Variants in DUOX2 observed in about 807,000 individuals in gnomAD.
DUOX2 encodes the protein NADH/NADPH thyroid oxidase p138-tox.
DUOX2 carries 185 observed loss-of-function variants against 183.3 expected under a neutral mutation model. That is an observed-to-expected ratio of 1.01 (90% confidence interval 0.90 to 1.14). The LOEUF (loss-of-function observed/expected upper bound fraction) is 1.14, where lower values mean the gene tolerates loss of function less well. DUOX2 is among the 50% of genes most tolerant of loss of function. DUOX2 has a pLI of 0.00. For synonymous variants in DUOX2, 788 were observed against 812.4 expected (o/e 0.97, Z 0.51); for missense variants, 1,999 against 2,022.9 (o/e 0.99, Z 0.23).
chr15:45,095,809 G>A lies in DUOX2; in HGVS notation c.4080+19C>T, dbSNP rs973189070. On this transcript the variant is annotated intron_variant, in intron 30 of 33. Coordinates refer to ENST00000389039, the MANE Select transcript of DUOX2 (RefSeq NM_001363711.2). ...GCCAGTGCCAGAGGCCCGGAAGCAG[G>A]GTTCCCAGTGACGGGCACCTTTGGG... is the stretch of plus-strand genomic sequence containing the variant. The A allele has an allele frequency of 1.9e-5, 30 of 1,608,474 alleles. No homozygotes were observed. Among genetic ancestry groups the A allele is most frequent in the Non-Finnish European group, 2.5e-5 (29 of 1,175,480 alleles).
Position 45,098,098 on chromosome 15 carries a change from G to A in DUOX2, c.3516-40C>T, listed in dbSNP as rs1260331471. The A allele has an allele frequency of 5.0e-6, 8 of 1,589,816 alleles. No homozygotes were observed. The East Asian group carries it at 1.1e-4, about 22-fold the overall frequency. On this transcript the variant is annotated intron_variant, in intron 26 of 33. Coordinates refer to ENST00000389039, the MANE Select transcript of DUOX2 (RefSeq NM_001363711.2). ...CACCTTGAGCCTCTGACTGGGGCAG[G>A]AGGGGCTCCAGCACTGTCACAACAC...
chr15:45,112,507 G>A (rs746020305), intron 4 of DUOX2, 47 bp downstream of exon 4: 11 of 1,603,230 alleles, frequency 6.9e-6, no homozygotes, highest in African/African-American at 6.7e-5. Context: ...CCCCCAGGCT[G>A]AGCAGAGCGC....
In DUOX2 at chr15:45,101,980, G is replaced by A. The variant is rs140944752; in HGVS notation, c.2664C>T (p.Ile888=). The change falls in exon 21 of 34, where the codon ATC becomes ATT. Residue 888 remains isoleucine (I), a synonymous_variant. Coordinates refer to ENST00000389039, the MANE Select transcript of DUOX2 (RefSeq NM_001363711.2). ...TGGACAGGCAGTTGTTGGAGATCTC[G>A]ATGAAGGATCTGGAGGAGGACCAGA... ...DEFFTMMRSF[I]EISNNCLSKA... The A allele has an allele frequency of 1.1e-5, 18 of 1,614,204 alleles. 1 individual carries two copies. In the South Asian group the frequency reaches 1.3e-4, roughly 12 times the overall value.
intron 20 of DUOX2, among the ~76,000 whole-genome samples, chr15:45,102,606 A>G (rs1002995361): frequency 6.6e-6 from 1 of 152,218 alleles, no homozygotes; most frequent in Non-Finnish European, 1.5e-5. Context: ...CTGGGCCCAT[A>G]AAACACAGCA....
chr15:45,113,937 C>T (rs1264926188), intron 1 of DUOX2, 36 bp downstream of exon 1: 2 of 194,440 alleles, frequency 1.0e-5, no homozygotes, highest in South Asian at 2.1e-4. Flanking sequence ...GCATGATGGG[C>T]GAGGGCTAGG....
intron 9 of DUOX2, 115 bp from the exon 10 acceptor site, chr15:45,110,095 C>T: frequency 1.1e-6 from 1 of 930,726 alleles, no homozygotes; most frequent in Non-Finnish European, 1.8e-6. Context: ...GGCCCAGGAA[C>T]TTCCTTGAAC....
At chr15:45,095,620 A>ATGAGCC (rs763350301) in intron 30 of DUOX2, 25 bp from the exon 31 acceptor site, 1 of 1,614,168 alleles carries the variant, frequency 6.2e-7, no homozygotes, top group East Asian at 2.2e-5. Context: ...GGGAGATGAA[A>ATGAGCC]TGAGCCTGAC....
At chr15:45,111,326 C>G in intron 6 of DUOX2, 49 bp from the exon 7 acceptor site, 3 of 1,394,892 alleles carry the variant, frequency 2.2e-6, no homozygotes, top group South Asian at 3.0e-5. Flanking sequence ...GTAGCGTGAT[C>G]GGGGGAGCCC....
In DUOX2 at chr15:45,106,870, A is replaced by G. The variant is rs753161566; in HGVS notation, c.1793T>C (p.Phe598Ser). ...LDFFEGSSPG[F>S]AITIIALCCL... The stretch of plus-strand genomic sequence containing the variant: ...GCAGAGAGCAATGATGGTGATGGCA[A>G]AACCAGGGCTGCTGCCTTCAAAGAA... Residue 598 changes from phenylalanine to serine, a missense_variant, in exon 15 of 34, where the codon TTT (phenylalanine) becomes TCT (serine). By Grantham distance (155) the Phe-to-Ser change is radical (BLOSUM62 -2). Coordinates refer to ENST00000389039, the MANE Select transcript of DUOX2 (RefSeq NM_001363711.2). The G allele has an allele frequency of 6.3e-7, 1 of 1,590,270 alleles. No individual in the cohort carries two copies. The highest frequency in any genetic ancestry group is 1.3e-5 in the African/African-American group (1 of 74,948).
chr15:45,094,027 T>G lies in DUOX2; in HGVS notation c.*123A>C. The G allele has an allele frequency of 7.6e-7, 1 of 1,323,638 alleles. No homozygotes were observed. The highest frequency in any genetic ancestry group is 1.1e-6 in the Non-Finnish European group (1 of 921,846). 82.0% of individuals were successfully genotyped at this position (1,323,638 alleles called of 1,614,324 possible). On this transcript the variant is annotated 3_prime_UTR_variant, in exon 34 of 34. Transcript: ENST00000389039. ...ATATTCTCCCAATATTGGGAGGGGC[T>G]CTGCAGCCCTCCAGCTGAGGCCTAA...
chr15:45,110,832 C>T lies in DUOX2; in HGVS notation c.883-122G>A, dbSNP rs562842437. ...CAGGAAGGGTCAATCATGGGAGAAGCAACTCAGACAGGAGCAGTGTGAGGC... is the reference window on the plus strand; with the variant it reads ...CAGGAAGGGTCAATCATGGGAGAAGTAACTCAGACAGGAGCAGTGTGAGGC... On this transcript the variant is annotated intron_variant, in intron 7 of 33. Coordinates refer to ENST00000389039, the MANE Select transcript of DUOX2 (RefSeq NM_001363711.2). 135 of 1,469,356 alleles carry T rather than the reference C, an allele frequency of 9.2e-5. 1 individual carries two copies. The African/African-American group carries it at 1.8e-3, about 19-fold the overall frequency. 91.0% of individuals were successfully genotyped at this position (1,469,356 alleles called of 1,614,324 possible). A position where few individuals can be genotyped will look rare whatever the true frequency, so the allele number is the denominator to read the frequency against.
At chr15:45,113,766 A>G (rs992463428) in intron 1 of DUOX2, among the ~76,000 whole-genome samples, 2 of 152,038 alleles carry the variant, frequency 1.3e-5, no homozygotes, top group Non-Finnish European at 2.9e-5. Flanking sequence ...AATGTCTCCA[A>G]TGTTTCACCT....
rs1893876609 is a variant in DUOX2, at chr15:45,095,477, A to G, written c.4199T>C (p.Val1400Ala). 6 of 1,614,220 alleles carry G rather than the reference A, an allele frequency of 3.7e-6. No individual in the cohort carries two copies. The highest frequency in any genetic ancestry group is 3.3e-4 in the Middle Eastern group (2 of 6,062). Residue 1400 changes from valine (V) to alanine (A), a missense_variant, in exon 31 of 34, where the codon GTC (valine) becomes GCC (alanine). Around this residue, in one of 3 missense-constraint regions of DUOX2, gnomAD observed 1,628 missense variants for 1,608.6 expected, o/e 1.01. Transcript: ENST00000389039. ...TPFASILKDLVFKSSLGSQML... is the reference protein window; with the variant it reads ...TPFASILKDLAFKSSLGSQML... ...TTGGCTGCCCAAGGATGACTTGAAG[A>G]CCAGGTCTTTGAGGATGGAGGCAAA... is the stretch of plus-strand genomic sequence containing the variant.
intron 1 of DUOX2, 148 bp from the exon 2 acceptor site, chr15:45,113,573 C>G: frequency 1.5e-6 from 1 of 676,260 alleles, no homozygotes; most frequent in Admixed American, 2.2e-5. Context: ...GAAGCATCAC[C>G]GAGGACCTTC....
chr15:45,112,848 C>T, intron 3 of DUOX2, 130 bp from the exon 4 acceptor site: 2 of 1,551,984 alleles, frequency 1.3e-6, no homozygotes, highest in Non-Finnish European at 1.8e-6. Context: ...TCTCTTGGCC[C>T]CGGGAGCGCA....
At position 45,094,280 on chromosome 15, in the gene DUOX2, G is replaced by A; in HGVS notation, c.4525-8C>T. 1 of 1,614,016 alleles carries A rather than the reference G, an allele frequency of 6.2e-7. No individual in the cohort carries two copies. The highest frequency in any genetic ancestry group is 8.5e-7 in the Non-Finnish European group (1 of 1,180,020). ...CACCCCGATCTTGCGCACCTGTCAG[G>A]AGATTGGAGAGAGAGAGGGGCCTGC... On this transcript the variant is annotated splice_region_variant and splice_polypyrimidine_tract_variant and intron_variant, in intron 33 of 33. Coordinates refer to ENST00000389039, the MANE Select transcript of DUOX2 (RefSeq NM_001363711.2).
At chr15:45,104,670 A>G (rs1169763725) in intron 18 of DUOX2, among the ~76,000 whole-genome samples, 1 of 152,220 alleles carries the variant, frequency 6.6e-6, no homozygotes, top group Admixed American at 6.5e-5. Flanking sequence ...GAGAGCCTAT[A>G]CTGGGGACAG....
Position 45,101,627 on chromosome 15 carries a change from T to C in DUOX2, c.2851+166A>G, listed in dbSNP as rs866260112. ...GACCTCAGTGGGTATCATTGTGCAT[T>C]AGGCAACTTGCACACCTACATGTGC... On this transcript the variant is annotated intron_variant, in intron 21 of 33. Coordinates refer to ENST00000389039, the MANE Select transcript of DUOX2 (RefSeq NM_001363711.2). The C allele has an allele frequency of 2.0e-5, 17 of 833,454 alleles. No individual in the cohort carries two copies. The Middle Eastern group carries it at 1.6e-3, about 77-fold the overall frequency. 51.6% of individuals were successfully genotyped at this position (833,454 alleles called of 1,614,324 possible). A position where few individuals can be genotyped will look rare whatever the true frequency, so the allele number is the denominator to read the frequency against.
rs373779973 is a variant in DUOX2, at chr15:45,102,041, G to T, written c.2655-52C>A. 4.0e-5 allele frequency: 65 copies of T among 1,605,258 alleles called. No individual in the cohort carries two copies. The African/African-American group carries it at 8.3e-4, about 20-fold the overall frequency. On this transcript the variant is annotated intron_variant, in intron 20 of 33. Coordinates refer to ENST00000389039, the MANE Select transcript of DUOX2 (RefSeq NM_001363711.2). ...CCTGTCACCCAGCAAGGTCAGGCTT[G>T]GGTAGGTGCAGGGTGGGGCAGGCCC...
Sources: allele counts gnomAD v4.1 joint callset (sites outside exome capture counted in the v4.1 genomes callset), GRCh38; gene constraint gnomAD v4.1.1; regional missense constraint gnomAD v4.1.1; transcripts MANE v1.5; gene names NCBI Gene and HGNC (gene_info 2026-07-23, HGNC 2026-07-21).